The following OSBP2 variants were observed in gnomAD, a reference collection of about 807,000 sequenced individuals.
OSBP2 encodes the protein oxysterol binding protein 2, also known as oxysterol-binding protein 2.
OSBP2 carries 66 observed loss-of-function variants against 96.0 expected under a neutral mutation model. The observed-to-expected ratio is 0.69, with a 90% confidence interval of 0.56 to 0.84. OSBP2 has a LOEUF of 0.84. Ranked by LOEUF, OSBP2 falls within the 40% of genes least tolerant of loss-of-function variation. The pLI is 0.00. For synonymous variants in OSBP2, 525 were observed against 520.9 expected, an observed-to-expected ratio of 1.01 and a Z score of -0.11; for missense variants, 1,038 against 1,222.7, an observed-to-expected ratio of 0.85 and a Z score of 2.25.
chr22:30,752,466 T>G (rs2090089882), intron 2 of OSBP2, among the ~76,000 whole-genome samples: 1 of 151,660 alleles, frequency 6.6e-6, no homozygotes, highest in Admixed American at 6.6e-5. Context: ...GCCCAGCTAA[T>G]TTTTTGTATT....
At chr22:30,783,017 A>G (rs1317220180) in intron 2 of OSBP2, among the ~76,000 whole-genome samples, 1 of 149,886 alleles carries the variant, frequency 6.7e-6, no homozygotes, top group African/African-American at 2.4e-5. Flanking sequence ...CTCAGACATG[A>G]CAGTGTCTGT....
intron 1 of OSBP2, among the ~76,000 whole-genome samples, chr22:30,711,430 C>T (rs918440864): frequency 1.3e-5 from 2 of 151,814 alleles, no homozygotes; most frequent in Non-Finnish European, 2.9e-5. Flanking sequence ...TCAGTTCATA[C>T]TGGTATTCTC....
chr22:30,720,503 G>A (rs941134423), intron 1 of OSBP2, among the ~76,000 whole-genome samples: 1 of 152,156 alleles, frequency 6.6e-6, no homozygotes, highest in African/African-American at 2.4e-5. Context: ...AAGGGAGAGC[G>A]AGCCAAGACA....
At chr22:30,893,795 C>G in intron 11 of OSBP2, 22 bp from the exon 12 acceptor site, 1 of 1,602,536 alleles carries the variant, frequency 6.2e-7, no homozygotes, top group Non-Finnish European at 8.5e-7. Flanking sequence ...TGCACCTACG[C>G]TGGTCCTGCC....
intron 2 of OSBP2, among the ~76,000 whole-genome samples, chr22:30,763,942 G>C (rs1188243893): frequency 6.6e-6 from 1 of 152,188 alleles, no homozygotes; most frequent in Non-Finnish European, 1.5e-5. Flanking sequence ...ACAGGGGGGC[G>C]CTAGAAGATG....
intron 2 of OSBP2, among the ~76,000 whole-genome samples, chr22:30,762,556 G>A (rs536575417): frequency 1.3e-5 from 2 of 151,994 alleles, no homozygotes; most frequent in Non-Finnish European, 2.9e-5. Flanking sequence ...AAAAAAAAAT[G>A]CAATTTTGAT....
chr22:30,862,933 A>G (rs1373960277), intron 2 of OSBP2, among the ~76,000 whole-genome samples: 1 of 151,360 alleles, frequency 6.6e-6, no homozygotes, highest in Non-Finnish European at 1.5e-5. Context: ...AGATTTTGCC[A>G]CTGCACTCCA....
intron 2 of OSBP2, among the ~76,000 whole-genome samples, chr22:30,855,389 T>G (rs2039060272): frequency 6.6e-6 from 1 of 152,132 alleles, no homozygotes; most frequent in African/African-American, 2.4e-5. Flanking sequence ...TCACAGAACC[T>G]TAGCACCCTT....
intron 2 of OSBP2, among the ~76,000 whole-genome samples, chr22:30,808,730 C>T (rs917863890): frequency 4.0e-5 from 6 of 151,788 alleles, no homozygotes; most frequent in Middle Eastern, 3.2e-3. Context: ...TGAGGCGGGC[C>T]GATCACGAGG....
chr22:30,772,726 T>C (rs942547873), intron 2 of OSBP2, among the ~76,000 whole-genome samples: 1 of 152,032 alleles, frequency 6.6e-6, no homozygotes, highest in Non-Finnish European at 1.5e-5. Flanking sequence ...GGCTGTTAGC[T>C]GGCATGAGCC....
At chr22:30,894,081 C>T in intron 12 of OSBP2, 80 bp downstream of exon 12, 1 of 1,322,954 alleles carries the variant, frequency 7.6e-7, no homozygotes, top group South Asian at 1.4e-5. Flanking sequence ...CTGACAGGCA[C>T]AGGAGGTCGG....
intron 2 of OSBP2, among the ~76,000 whole-genome samples, chr22:30,750,402 C>T (rs1184666228): frequency 2.0e-5 from 3 of 152,280 alleles, no homozygotes; most frequent in Admixed American, 2.0e-4. Flanking sequence ...CAATTCCATT[C>T]ATGCTGGCAT....
At chr22:30,783,282 A>G (rs1441617703) in intron 2 of OSBP2, among the ~76,000 whole-genome samples, 1 of 126,364 alleles carries the variant, frequency 7.9e-6, no homozygotes, top group African/African-American at 3.1e-5. Context: ...TCTCAGAGGC[A>G]GGGAGTCTCA....
At chr22:30,701,772 C>T (rs568888144) in intron 1 of OSBP2, among the ~76,000 whole-genome samples, 134 of 152,224 alleles carry the variant, frequency 8.8e-4, no homozygotes, top group African/African-American at 3.1e-3. Flanking sequence ...GGGCTGGATA[C>T]CCCCGAAGGT....
chr22:30,860,295 G>A (rs2039184648), intron 2 of OSBP2, among the ~76,000 whole-genome samples: 1 of 152,104 alleles, frequency 6.6e-6, no homozygotes, highest in African/African-American at 2.4e-5. Flanking sequence ...GGTGGGTTGG[G>A]GTTTAGAGTG....
intron 2 of OSBP2, among the ~76,000 whole-genome samples, chr22:30,776,773 G>A (rs1361074286): frequency 6.6e-6 from 1 of 152,138 alleles, no homozygotes; most frequent in Non-Finnish European, 1.5e-5. Flanking sequence ...GCTTAGTTAA[G>A]GGAAGATACT....
chr22:30,753,266 G>A (rs894125261), intron 2 of OSBP2, among the ~76,000 whole-genome samples: 2 of 152,226 alleles, frequency 1.3e-5, no homozygotes, highest in South Asian at 2.1e-4. Flanking sequence ...TGTGGGGATA[G>A]GATGTTACTG....
rs781575477 is a variant in OSBP2 at position 30,870,718 on chromosome 22, C to T, written c.1107+36C>T. The T allele has an allele frequency of 3.8e-6, 6 of 1,599,164 alleles. No individual in the cohort carries two copies. The African/African-American group carries it at 4.0e-5, about 11-fold the overall frequency. ...ACCCCCACCGCCCTGGCACGGGGCT[C>T]CCTGGCTCCAGCCCCGGGGTCCCTC... On this transcript the variant is annotated intron_variant, in intron 3 of 13. Coordinates refer to ENST00000332585, the MANE Select transcript of OSBP2 (RefSeq NM_030758.4). This position sits in a 1 kb window ranked among gnomAD's most constrained non-coding sequence, Gnocchi z 4.1.
At chr22:30,856,852 C>T (rs558606881) in intron 2 of OSBP2, among the ~76,000 whole-genome samples, 1 of 152,130 alleles carries the variant, frequency 6.6e-6, no homozygotes, top group African/African-American at 2.4e-5. Flanking sequence ...AGCCTACTGG[C>T]CCCTTAGGAA....
Sources: gnomAD v4.1 joint callset for allele counts (sites outside exome capture counted in the v4.1 genomes callset) on GRCh38, gnomAD v4.1.1 for gene constraint, Gnocchi (gnomAD v3.1) non-coding constraint, MANE v1.5 for transcripts, NCBI Gene and HGNC (gene_info 2026-07-23, HGNC 2026-07-21) for gene names.